SGCD: variants seen among roughly 807,000 people sequenced by gnomAD.
SGCD encodes the protein delta-sarcoglycan.
SGCD carries 18 observed loss-of-function variants against 36.6 expected under a neutral mutation model. The ratio of observed to expected loss-of-function variants is 0.49; its 90% CI spans 0.34 to 0.73. The LOEUF is 0.73. Among genes scored for constraint, SGCD ranks in the 30% least tolerant of loss-of-function variants. The probability of loss-of-function intolerance (pLI) is 0.01; values close to 1 mark genes in which losing one functional copy is unlikely to be tolerated. For synonymous variants in SGCD, 133 were observed against 130.6 expected, an observed-to-expected ratio of 1.02 and a Z score of -0.12; for missense variants, 387 against 346.7, an observed-to-expected ratio of 1.12 and a Z score of -0.92.
chr5:155,918,426 G>C (rs1011381207), intron 1 of SGCD, among the ~76,000 whole-genome samples: 6 of 152,132 alleles, frequency 3.9e-5, no homozygotes, highest in African/African-American at 1.4e-4. Flanking sequence ...ATCCAGCCAT[G>C]GTGCTGGGCA....
intron 4 of SGCD, among the ~76,000 whole-genome samples, chr5:156,554,775 T>C (rs1478103611): frequency 2.0e-5 from 3 of 152,004 alleles, no homozygotes; most frequent in African/African-American, 7.2e-5. Context: ...TGCTGGGTCA[T>C]GTGGAAATTC....
chr5:155,958,142 T>C (rs758503135), intron 1 of SGCD, among the ~76,000 whole-genome samples: 9 of 152,138 alleles, frequency 5.9e-5, no homozygotes, highest in Non-Finnish European at 8.8e-5. Flanking sequence ...CTGTCCTGCT[T>C]ACCCCAGGAT....
chr5:156,304,069 C>A (rs1767133267), intron 3 of SGCD, among the ~76,000 whole-genome samples: 1 of 152,062 alleles, frequency 6.6e-6, no homozygotes, highest in Admixed American at 6.6e-5. Flanking sequence ...GCCTAGACTG[C>A]CTTTCAAGTT....
At chr5:156,201,142 T>G (rs1237284051) in intron 3 of SGCD, among the ~76,000 whole-genome samples, 3 of 152,066 alleles carry the variant, frequency 2.0e-5, no homozygotes, top group Non-Finnish European at 4.4e-5. Flanking sequence ...CTTTGCAAAA[T>G]AAAAAGTTCC....
chr5:155,815,357 T>C, the SGCD span, among the ~76,000 whole-genome samples: 3 of 152,238 alleles, frequency 2.0e-5, no homozygotes, highest in Admixed American at 6.5e-5. Flanking sequence ...CTCTGTGGAA[T>C]ATTGGTCAGA....
chr5:156,059,751 T>TA (rs1240735135), intron 1 of SGCD, among the ~76,000 whole-genome samples: 1 of 147,022 alleles, frequency 6.8e-6, no homozygotes, highest in African/African-American at 2.4e-5. Context: ...GTATAGTACC[T>TA]GGAAACAGTG....
intron 3 of SGCD, among the ~76,000 whole-genome samples, chr5:156,144,745 G>T (rs553284407): frequency 1.6e-4 from 24 of 152,250 alleles, no homozygotes; most frequent in Admixed American, 5.9e-4. Context: ...AGTTTAATTA[G>T]ATCCCATTTG....
At chr5:156,609,056 T>C (rs1225435897) in intron 6 of SGCD, among the ~76,000 whole-genome samples, 2 of 152,170 alleles carry the variant, frequency 1.3e-5, no homozygotes, top group Non-Finnish European at 2.9e-5. Flanking sequence ...TTAAGGTTAA[T>C]ATTGTTATGT....
intron 4 of SGCD, among the ~76,000 whole-genome samples, chr5:156,566,212 G>A (rs956401503): frequency 1.3e-5 from 2 of 152,068 alleles, no homozygotes; most frequent in Non-Finnish European, 1.5e-5. Context: ...TGGAGAAATA[G>A]GAACATTTTT....
chr5:156,026,996 G>C lies in SGCD; in HGVS notation c.-281-90882G>C, dbSNP rs535834846. On this transcript the variant is annotated intron_variant, in intron 1 of 9. Coordinates refer to the SGCD transcript ENST00000517913. Reference sequence around the variant, plus strand: ...CAAAATCAAGTGGCAGGCAGGACTTGGTCTATAGGTGATAGTTTGCAGACT... The same window carrying C: ...CAAAATCAAGTGGCAGGCAGGACTTCGTCTATAGGTGATAGTTTGCAGACT... 5.2e-4 allele frequency among the ~76,000 whole-genome samples: 79 copies of C among 152,254 alleles called. No homozygotes were observed. The South Asian group carries it at 0.015, about 28-fold the overall frequency.
At chr5:156,711,549 C>G (rs139568281) in intron 7 of SGCD, among the ~76,000 whole-genome samples, 4 of 152,314 alleles carry the variant, frequency 2.6e-5, no homozygotes, top group Non-Finnish European at 5.9e-5. Flanking sequence ...CTGTTAGGAG[C>G]AGTAATTGCT....
intron 3 of SGCD, among the ~76,000 whole-genome samples, chr5:156,397,470 A>C (rs1277901932): frequency 1.3e-5 from 2 of 152,198 alleles, no homozygotes; most frequent in African/African-American, 4.8e-5. Context: ...TCCGTTCTAG[A>C]GGACAAATCC....
intron 3 of SGCD, among the ~76,000 whole-genome samples, chr5:156,483,962 A>T (rs1044208909): frequency 2.6e-5 from 4 of 152,226 alleles, no homozygotes; most frequent in African/African-American, 9.6e-5. Flanking sequence ...CAGGATTTGA[A>T]GGTTAATCTG....
chr5:156,576,383 A>C (rs182501091), intron 4 of SGCD, among the ~76,000 whole-genome samples: 5 of 152,198 alleles, frequency 3.3e-5, no homozygotes, highest in Non-Finnish European at 5.9e-5. Flanking sequence ...CGCAATAAAC[A>C]TACATGTGCG....
Position 155,901,282 on chromosome 5 carries a change from A to G in SGCD, c.-282+30858A>G, listed in dbSNP as rs920974841. ...AGCCGAGATAGTACCACTGCACTCC[A>G]GCCTGGGCAACAAGAGCGAAACTCC... On this transcript the variant is annotated intron_variant, in intron 1 of 9. Transcript: ENST00000517913. Among the ~76,000 whole-genome samples, 3 of 151,516 alleles carry G rather than the reference A, an allele frequency of 2.0e-5. No individual in the cohort carries two copies. In the East Asian group the frequency reaches 5.8e-4, roughly 29 times the overall value.
the SGCD span, among the ~76,000 whole-genome samples, chr5:155,784,712 T>G: frequency 6.7e-6 from 1 of 148,730 alleles, no homozygotes; most frequent in East Asian, 2.0e-4. Context: ...ACACAAAGAG[T>G]ATATGTTAAA....
At chr5:155,821,136 A>G in the SGCD span, among the ~76,000 whole-genome samples, 2 of 152,222 alleles carry the variant, frequency 1.3e-5, no homozygotes, top group East Asian at 1.9e-4. Context: ...ATTACCCAGC[A>G]TATACTTGAA....
intron 1 of SGCD, among the ~76,000 whole-genome samples, chr5:156,072,010 G>A (rs771133605): frequency 6.6e-6 from 1 of 151,824 alleles, no homozygotes; most frequent in African/African-American, 2.4e-5. Flanking sequence ...CTTTTATTTT[G>A]TGCCTATGTG....
At chr5:156,133,829 C>T (rs1269505975) in intron 3 of SGCD, among the ~76,000 whole-genome samples, 1 of 151,384 alleles carries the variant, frequency 6.6e-6, no homozygotes, top group Non-Finnish European at 1.5e-5. Flanking sequence ...TTGAATTTTA[C>T]CCAAGGTCTT....
Sources: gnomAD v4.1 joint callset for allele counts (sites outside exome capture counted in the v4.1 genomes callset) on GRCh38, gnomAD v4.1.1 for gene constraint, MANE v1.5 for transcripts, NCBI Gene and HGNC (gene_info 2026-07-23, HGNC 2026-07-21) for gene names.